EHD2: variants seen among roughly 807,000 people sequenced by gnomAD.
EHD2 encodes the protein EH domain containing 2.
EHD2 carries 27 observed loss-of-function variants against 41.0 expected under a neutral mutation model. The ratio of observed to expected loss-of-function variants is 0.66; its 90% CI spans 0.49 to 0.91. EHD2 has a LOEUF of 0.91. EHD2 is among the 40% of genes least tolerant of loss of function. The pLI, the probability that EHD2 is intolerant of heterozygous loss-of-function variation, is 0.00. For missense variants in EHD2, 673 were observed against 773.9 expected (o/e 0.87, Z 1.55); for synonymous variants, 342 against 341.0 (o/e 1.00, Z -0.03).
At position 47,741,485 on chromosome 19, in the gene EHD2, A is replaced by G. The variant is rs990491667; in HGVS notation, c.*53A>G. The G allele has an allele frequency of 2.6e-6, 4 of 1,517,620 alleles. No homozygotes were observed. In the African/African-American group the frequency reaches 5.5e-5, roughly 21 times the overall value. The allele number at this position is 1,517,620 out of a possible 1,614,324, so 94.0% of individuals were successfully genotyped here. A position where few individuals can be genotyped will look rare whatever the true frequency, so the allele number is the denominator to read the frequency against. On this transcript the variant is annotated 3_prime_UTR_variant, in exon 6 of 6. Coordinates refer to ENST00000263277, the MANE Select transcript of EHD2 (RefSeq NM_014601.4). The surrounding 1 kb of genome is among the most constrained non-coding windows in gnomAD (Gnocchi z 4.5). ...TGGCTCCCCAGCTCCAGTCGGCTGC[A>G]CGCACACCCCTGCTCCGGCTCACAC...
intron 4 of EHD2, among the ~76,000 whole-genome samples, chr19:47,729,966 G>A (rs1973791394): frequency 6.6e-6 from 1 of 151,616 alleles, no homozygotes; most frequent in Middle Eastern, 3.4e-3. Flanking sequence ...CCCCCGCTCC[G>A]CCGCCGCCCT....
At chr19:47,735,072 T>A (rs1050770129) in intron 4 of EHD2, among the ~76,000 whole-genome samples, 2 of 152,038 alleles carry the variant, frequency 1.3e-5, no homozygotes, top group Admixed American at 6.6e-5. Context: ...AATAAATAAA[T>A]AAAAATAAAA....
At position 47,726,111 on chromosome 19, in the gene EHD2, C is replaced by T; in HGVS notation, c.802C>T (p.Arg268Trp). ...WSQPLLVPDN[R>W]RLFELEEQDL... is the part of the protein sequence containing the mutation. Reference sequence around the variant, plus strand: ...CCAGCCCCTCCTCGTGCCCGACAACCGGCGCCTCTTCGAGCTGGAGGAGCA... The same window carrying T: ...CCAGCCCCTCCTCGTGCCCGACAACTGGCGCCTCTTCGAGCTGGAGGAGCA... Residue 268 changes from arginine to tryptophan, a missense_variant, in exon 4 of 6, where the codon CGG (arginine) becomes TGG (tryptophan). Physicochemically the swap from Arg to Trp is moderately radical, Grantham distance 101 (BLOSUM62 -3). Transcript: ENST00000263277. 1 of 1,575,474 alleles carries T rather than the reference C, an allele frequency of 6.3e-7. No homozygotes were observed.
chr19:47,731,279 A>AAAAAAAAAAAAAAAAATTATATATATAT, intron 4 of EHD2: 2 of 60,928 alleles, frequency 3.3e-5, no homozygotes, highest in Middle Eastern at 7.1e-3. Flanking sequence ...AAAAAAAAAA[A>AAAAAAAAAAAAAAAAATTATATATATAT]ATATATATAT....
intron 4 of EHD2, chr19:47,731,279 A>AAATATATATATATAT: frequency 3.3e-5 from 2 of 60,932 alleles, no homozygotes; most frequent in African/African-American, 9.8e-5. Flanking sequence ...AAAAAAAAAA[A>AAATATATATATATAT]ATATATATAT....
intron 4 of EHD2, chr19:47,731,256 T>A (rs1973803909): frequency 1.4e-5 from 1 of 74,048 alleles, no homozygotes; most frequent in African/African-American, 4.6e-5. Flanking sequence ...CAGTCTAAAT[T>A]TGTGATTCTT....
At chr19:47,720,233 G>A (rs1262382104) in intron 3 of EHD2, among the ~76,000 whole-genome samples, 5 of 151,884 alleles carry the variant, frequency 3.3e-5, no homozygotes, top group Admixed American at 3.3e-4. Context: ...GCGCGATCTC[G>A]GCTCACTGCA....
chr19:47,740,857 G>T, intron 5 of EHD2, 24 bp from the exon 6 acceptor site: 1 of 1,606,974 alleles, frequency 6.2e-7, no homozygotes, highest in African/African-American at 1.3e-5. Flanking sequence ...CTTGAATTCT[G>T]GGTGCCCCTG....
intron 5 of EHD2, among the ~76,000 whole-genome samples, chr19:47,738,152 G>C (rs1412408771): frequency 6.6e-6 from 1 of 151,958 alleles, no homozygotes; most frequent in Non-Finnish European, 1.5e-5. Context: ...AAAGTGCTGG[G>C]ATTATAGGCA....
At chr19:47,731,615 G>T (rs1439029789) in intron 4 of EHD2, 1 of 151,476 alleles carries the variant, frequency 6.6e-6, no homozygotes, top group Non-Finnish European at 1.5e-5. Flanking sequence ...TGGCCTAAAA[G>T]AATTTTTTAA....
intron 4 of EHD2, among the ~76,000 whole-genome samples, chr19:47,727,896 G>A (rs1417768451): frequency 6.6e-6 from 1 of 151,932 alleles, no homozygotes; most frequent in African/African-American, 2.4e-5. Context: ...AGGAGTTCGA[G>A]ACCAGCCTGG....
At chr19:47,720,273 G>A (rs1004165895) in intron 3 of EHD2, among the ~76,000 whole-genome samples, 1 of 151,974 alleles carries the variant, frequency 6.6e-6, no homozygotes, top group African/African-American at 2.4e-5. Context: ...AAGTGGCTCT[G>A]CTGCCTCAGC....
Position 47,740,961 on chromosome 19 carries a change from G to A in EHD2, c.1161G>A (p.Thr387=), listed in dbSNP as rs774001725. ...KLLEALDEML[T]HDIAKLMPLL... The stretch of plus-strand genomic sequence containing the variant: ...TAGAGGCACTGGACGAGATGCTGAC[G>A]CACGACATCGCCAAGCTCATGCCCC... Residue 387 remains threonine, a synonymous_variant, in exon 6 of 6, where the codon ACG becomes ACA. Transcript: ENST00000263277. 2.5e-6 allele frequency: 4 copies of A among 1,612,460 alleles called. No individual in the cohort carries two copies. Among genetic ancestry groups the A allele is most frequent in the East Asian group, 2.2e-5 (1 of 44,876 alleles).
At position 47,731,279 on chromosome 19, in the gene EHD2, A is replaced by AAAAAAAAAAAT; in HGVS notation, c.915+5056_915+5057insAAAAAAAAATA. 349 of 60,812 alleles carry AAAAAAAAAAAT rather than the reference A, an allele frequency of 5.7e-3. 2 individuals are homozygous for AAAAAAAAAAAT. Among genetic ancestry groups the AAAAAAAAAAAT allele is most frequent in the Non-Finnish European group, 9.9e-3 (270 of 27,158 alleles). The allele number at this position is 60,812 out of a possible 1,614,324, so 3.8% of individuals were successfully genotyped here. A position where few individuals can be genotyped will look rare whatever the true frequency, so the allele number is the denominator to read the frequency against. On this transcript the variant is annotated intron_variant, in intron 4 of 5. Coordinates refer to ENST00000263277, the MANE Select transcript of EHD2 (RefSeq NM_014601.4). ...ATTTGTGATTCTTTAAAAAAAAAAA[A>AAAAAAAAAAAT]ATATATATATATATATATATATACA...
At chr19:47,736,301 G>A (rs188196069) in intron 4 of EHD2, 68 bp from the exon 5 acceptor site, 161,960 of 1,474,852 alleles carry the variant, frequency 0.11, 10,049 homozygotes, top group Middle Eastern at 0.13. Context: ...AGTGGGGCCT[G>A]CAGCCTGTGT....
chr19:47,728,571 C>CTTTTTTTTT (rs761204748), intron 4 of EHD2, among the ~76,000 whole-genome samples: 1 of 131,158 alleles, frequency 7.6e-6, no homozygotes, highest in Non-Finnish European at 1.6e-5. Flanking sequence ...TTCTTTCTTT[C>CTTTTTTTTT]TTTTTTTTTT....
chr19:47,735,630 C>T (rs893809965), intron 4 of EHD2, among the ~76,000 whole-genome samples: 22 of 151,814 alleles, frequency 1.4e-4, no homozygotes, highest in African/African-American at 4.6e-4. Context: ...AGGCCAGGCG[C>T]GGTGGCTCAT....
At chr19:47,735,287 C>T (rs567627673) in intron 4 of EHD2, among the ~76,000 whole-genome samples, 17 of 152,154 alleles carry the variant, frequency 1.1e-4, no homozygotes, top group Admixed American at 2.6e-4. Flanking sequence ...TATGCAGATT[C>T]GGGAGTGGAC....
intron 4 of EHD2, 74 bp from the exon 5 acceptor site, chr19:47,736,295 G>C: frequency 7.1e-7 from 1 of 1,417,622 alleles, no homozygotes; most frequent in Non-Finnish European, 9.6e-7. Flanking sequence ...TCTGGGAGTG[G>C]GGCCTGCAGC....
Sources: gnomAD v4.1 joint callset for allele counts (sites outside exome capture counted in the v4.1 genomes callset) on GRCh38, gnomAD v4.1.1 for gene constraint, Gnocchi (gnomAD v3.1) non-coding constraint, MANE v1.5 for transcripts, NCBI Gene and HGNC (gene_info 2026-07-23, HGNC 2026-07-21) for gene names.